KCTD12: variants seen among roughly 807,000 people sequenced by gnomAD.
The protein encoded by KCTD12 is BTB/POZ domain-containing protein KCTD12.
A neutral mutation model predicts 22.6 loss-of-function variants in KCTD12; 16 were observed. The observed-to-expected ratio is 0.71, with a 90% CI of 0.48 to 1.07. The LOEUF is 1.07. Among genes scored for constraint, KCTD12 ranks in the 50% least tolerant of loss-of-function variants. KCTD12 has a pLI of 0.00. For synonymous variants in KCTD12, 260 were observed against 228.0 expected (o/e 1.14, Z -1.26); for missense variants, 452 against 469.2 (o/e 0.96, Z 0.34).
rs1029955086 is a variant in KCTD12 at position 76,881,626 on chromosome 13, G to A, written c.*3545C>T. The A allele has an allele frequency of 5.1e-4, 77 of 151,150 alleles. No homozygotes were observed. Among genetic ancestry groups the A allele is most frequent in the Non-Finnish European group, 7.4e-5 (5 of 67,846 alleles). The allele number at this position is 151,150 out of a possible 1,614,324, so 9.4% of individuals were successfully genotyped here. On this transcript the variant is annotated 3_prime_UTR_variant, in exon 1 of 1. Transcript: ENST00000377474. Reference sequence around the variant, plus strand: ...CTGGTTTGAAAGAGAAGACAATTTTGTCTAGTATTATGATTTATCACTGTG... The same window carrying A: ...CTGGTTTGAAAGAGAAGACAATTTTATCTAGTATTATGATTTATCACTGTG...
In KCTD12 at chr13:76,882,805, C is replaced by T. The variant is rs1593865215; in HGVS notation, c.*2366G>A. 6.6e-6 allele frequency: 1 copy of T among 152,058 alleles called. No homozygotes were observed. The highest frequency in any genetic ancestry group is 1.9e-4 in the East Asian group (1 of 5,200). The allele number at this position is 152,058 out of a possible 1,614,324, so 9.4% of individuals were successfully genotyped here. A position where few individuals can be genotyped will look rare whatever the true frequency, so the allele number is the denominator to read the frequency against. On this transcript the variant is annotated 3_prime_UTR_variant, in exon 1 of 1. Coordinates refer to ENST00000377474, the MANE Select transcript of KCTD12 (RefSeq NM_138444.4). ...TCCTAGATTTCTGCTTCCATTTCGC[C>T]TAAAATTACAGGCTTTGTATATGAA...
rs947413805 is a variant in KCTD12 at position 76,886,321 on chromosome 13, G to C, written c.-173C>G. On this transcript the variant is annotated 5_prime_UTR_variant, in exon 1 of 1. Coordinates refer to ENST00000377474, the MANE Select transcript of KCTD12 (RefSeq NM_138444.4). The stretch of plus-strand genomic sequence containing the variant: ...CGCCGCCACCTCCTAGAGCCGCGCG[G>C]AGCCGAGCGGTGCGAGCGCGCCGCT... 4 of 699,832 alleles carry C rather than the reference G, an allele frequency of 5.7e-6. No homozygotes were observed. The highest frequency in any genetic ancestry group is 7.8e-6 in the Non-Finnish European group (4 of 512,976). 43.4% of individuals were successfully genotyped at this position (699,832 alleles called of 1,614,324 possible).
chr13:76,880,673 G>A lies in KCTD12; in HGVS notation c.*4498C>T, dbSNP rs964999832. ...CCTTTGTCACTAAATGGTTACTAACGCTGTTTGAGTGGTCATAAATGAATT... is the reference window on the plus strand; with the variant it reads ...CCTTTGTCACTAAATGGTTACTAACACTGTTTGAGTGGTCATAAATGAATT... On this transcript the variant is annotated 3_prime_UTR_variant, in exon 1 of 1. Coordinates refer to ENST00000377474, the MANE Select transcript of KCTD12 (RefSeq NM_138444.4). The A allele has an allele frequency of 2.2e-4, 34 of 152,434 alleles. No homozygotes were observed. Among genetic ancestry groups the A allele is most frequent in the East Asian group, 5.8e-4 (3 of 5,196 alleles). The allele number at this position is 152,434 out of a possible 1,614,324, so 9.4% of individuals were successfully genotyped here. A position where few individuals can be genotyped will look rare whatever the true frequency, so the allele number is the denominator to read the frequency against.
In KCTD12 at chr13:76,883,719, G is replaced by A. The variant is rs1442460018; in HGVS notation, c.*1452C>T. The A allele has an allele frequency of 6.6e-6, 1 of 152,638 alleles. No individual in the cohort carries two copies. The highest frequency in any genetic ancestry group is 1.5e-5 in the Non-Finnish European group (1 of 68,036). The allele number at this position is 152,638 out of a possible 1,614,324, so 9.5% of individuals were successfully genotyped here. ...CCACTTAACTTCAAACAAACTGCATGAAAGTGGCATTTTCAGGTTTTCAGG... is the reference window on the plus strand; with the variant it reads ...CCACTTAACTTCAAACAAACTGCATAAAAGTGGCATTTTCAGGTTTTCAGG... On this transcript the variant is annotated 3_prime_UTR_variant, in exon 1 of 1. Coordinates refer to ENST00000377474, the MANE Select transcript of KCTD12 (RefSeq NM_138444.4).
At position 76,882,322 on chromosome 13, in the gene KCTD12, A is replaced by G. The variant is rs373959260; in HGVS notation, c.*2849T>C. ...GACAGTCGTCCCTGGAAAAAGAAGTAGATTTACTGTCCCTAACCATTAAAT... is the reference window on the plus strand; with the variant it reads ...GACAGTCGTCCCTGGAAAAAGAAGTGGATTTACTGTCCCTAACCATTAAAT... On this transcript the variant is annotated 3_prime_UTR_variant, in exon 1 of 1. Coordinates refer to ENST00000377474, the MANE Select transcript of KCTD12 (RefSeq NM_138444.4). 1.3e-5 allele frequency: 2 copies of G among 149,344 alleles called. No homozygotes were observed. The highest frequency in any genetic ancestry group is 3.9e-4 in the East Asian group (2 of 5,184). The allele number at this position is 149,344 out of a possible 1,614,324, so 9.3% of individuals were successfully genotyped here.
chr13:76,881,628 C>A lies in KCTD12; in HGVS notation c.*3543G>T, dbSNP rs2033203735. 6.6e-6 allele frequency: 1 copy of A among 150,742 alleles called. No individual in the cohort carries two copies. The highest frequency in any genetic ancestry group is 1.5e-5 in the Non-Finnish European group (1 of 67,778). The allele number at this position is 150,742 out of a possible 1,614,324, so 9.3% of individuals were successfully genotyped here. On this transcript the variant is annotated 3_prime_UTR_variant, in exon 1 of 1. Transcript: ENST00000377474. ...GGTTTGAAAGAGAAGACAATTTTGTCTAGTATTATGATTTATCACTGTGCT... is the reference window on the plus strand; with the variant it reads ...GGTTTGAAAGAGAAGACAATTTTGTATAGTATTATGATTTATCACTGTGCT...
rs921020158 is a variant in KCTD12 at position 76,882,289 on chromosome 13, T to C, written c.*2882A>G. ...CAGTTTTCTTGTATTGACTTTAACT[T>C]TAGAGGGGACAGTCGTCCCTGGAAA... On this transcript the variant is annotated 3_prime_UTR_variant, in exon 1 of 1. Transcript: ENST00000377474. The C allele has an allele frequency of 1.3e-5, 2 of 152,162 alleles. No homozygotes were observed. Among genetic ancestry groups the C allele is most frequent in the Non-Finnish European group, 2.9e-5 (2 of 68,022 alleles). The allele number at this position is 152,162 out of a possible 1,614,324, so 9.4% of individuals were successfully genotyped here. A position where few individuals can be genotyped will look rare whatever the true frequency, so the allele number is the denominator to read the frequency against.
Position 76,884,221 on chromosome 13 carries a change from T to C in KCTD12, c.*950A>G, listed in dbSNP as rs995116814. On this transcript the variant is annotated 3_prime_UTR_variant, in exon 1 of 1. Coordinates refer to ENST00000377474, the MANE Select transcript of KCTD12 (RefSeq NM_138444.4). ...TAAAGGAAGGTCCTACTGACATTCA[T>C]TGAAAGAATACAGGCTTTCCTAATA... 1.5e-5 allele frequency: 2 copies of C among 130,150 alleles called. No homozygotes were observed. The highest frequency in any genetic ancestry group is 3.2e-5 in the Non-Finnish European group (2 of 63,212). The allele number at this position is 130,150 out of a possible 1,614,324, so 8.1% of individuals were successfully genotyped here.
chr13:76,882,850 A>C lies in KCTD12; in HGVS notation c.*2321T>G, dbSNP rs887717371. On this transcript the variant is annotated 3_prime_UTR_variant, in exon 1 of 1. Transcript: ENST00000377474. The stretch of plus-strand genomic sequence containing the variant: ...TATGAAGTCAATTTTACTTCTCAAA[A>C]AATGTTAGTCTAATAAAAGACCTGA... 2 of 152,222 alleles carry C rather than the reference A, an allele frequency of 1.3e-5. No homozygotes were observed. Among genetic ancestry groups the C allele is most frequent in the African/African-American group, 4.8e-5 (2 of 41,442 alleles). 9.4% of individuals were successfully genotyped at this position (152,222 alleles called of 1,614,324 possible). A position where few individuals can be genotyped will look rare whatever the true frequency, so the allele number is the denominator to read the frequency against.
rs1028094575 is a variant in KCTD12, at chr13:76,881,348, A to G, written c.*3823T>C. On this transcript the variant is annotated 3_prime_UTR_variant, in exon 1 of 1. Coordinates refer to ENST00000377474, the MANE Select transcript of KCTD12 (RefSeq NM_138444.4). ...TACTTTTTCTTAATGTCTGCATTGT[A>G]ATTTAGCATTTTGCATGTGGGAGTA... is the stretch of plus-strand genomic sequence containing the variant. 3.3e-5 allele frequency: 5 copies of G among 152,618 alleles called. No individual in the cohort carries two copies. Among genetic ancestry groups the G allele is most frequent in the African/African-American group, 4.8e-5 (2 of 41,450 alleles). The allele number at this position is 152,618 out of a possible 1,614,324, so 9.5% of individuals were successfully genotyped here. A position where few individuals can be genotyped will look rare whatever the true frequency, so the allele number is the denominator to read the frequency against.
In KCTD12 at chr13:76,885,990, C is replaced by G. The variant is rs929125681; in HGVS notation, c.159G>C (p.Val53=). Residue 53 remains valine (V), a synonymous_variant, in exon 1 of 1, where the codon GTG becomes GTC. Coordinates refer to ENST00000377474, the MANE Select transcript of KCTD12 (RefSeq NM_138444.4). The surrounding 1 kb of genome is among the most constrained non-coding windows in gnomAD (Gnocchi z 5.1). Reference sequence around the variant, plus strand: ...GCCAGAGCAGCGAGTCGGGCACCGACACCACCGTGCAGCGCCGGGTCACGT... The same window carrying G: ...GCCAGAGCAGCGAGTCGGGCACCGAGACCACCGTGCAGCGCCGGGTCACGT... ...QVYVTRRCTV[V]SVPDSLLWRM... The G allele has an allele frequency of 3.8e-6, 6 of 1,590,276 alleles. No homozygotes were observed. The African/African-American group carries it at 8.1e-5, about 21-fold the overall frequency.
rs991356908 is a variant in KCTD12 at position 76,881,867 on chromosome 13, A to G, written c.*3304T>C. On this transcript the variant is annotated 3_prime_UTR_variant, in exon 1 of 1. Coordinates refer to ENST00000377474, the MANE Select transcript of KCTD12 (RefSeq NM_138444.4). ...TTTTTTTTTTTAACCACCATTGTCT[A>G]CACCTTTTTAAAAATTAAGTTTGTT... The G allele has an allele frequency of 3.3e-5, 5 of 150,478 alleles. No homozygotes were observed. The highest frequency in any genetic ancestry group is 1.3e-4 in the Admixed American group (2 of 15,154). 9.3% of individuals were successfully genotyped at this position (150,478 alleles called of 1,614,324 possible). A position where few individuals can be genotyped will look rare whatever the true frequency, so the allele number is the denominator to read the frequency against.
rs1376525985 is a variant in KCTD12, at chr13:76,881,432, CAA to C, written c.*3737_*3738del. ...CCTAACTTGAAGAGTAAAAAGTTAT[CAA>C]AGTTTCACCTTACATGGCTTTATTG... On this transcript the variant is annotated 3_prime_UTR_variant, in exon 1 of 1. Coordinates refer to ENST00000377474, the MANE Select transcript of KCTD12 (RefSeq NM_138444.4). The C allele has an allele frequency of 6.6e-6, 1 of 152,510 alleles. No individual in the cohort carries two copies. Among genetic ancestry groups the C allele is most frequent in the Non-Finnish European group, 1.5e-5 (1 of 67,986 alleles). The allele number at this position is 152,510 out of a possible 1,614,324, so 9.4% of individuals were successfully genotyped here.
In KCTD12 at chr13:76,882,010, A is replaced by G. The variant is rs2033209755; in HGVS notation, c.*3161T>C. ...GCAGTGTTAATTATCTGAATAATTT[A>G]TGACATTCTCCCAGGTTATTTGAAT... is the stretch of plus-strand genomic sequence containing the variant. On this transcript the variant is annotated 3_prime_UTR_variant, in exon 1 of 1. Coordinates refer to ENST00000377474, the MANE Select transcript of KCTD12 (RefSeq NM_138444.4). The G allele has an allele frequency of 6.6e-6, 1 of 152,226 alleles. No individual in the cohort carries two copies. Among genetic ancestry groups the G allele is most frequent in the South Asian group, 2.1e-4 (1 of 4,836 alleles). 9.4% of individuals were successfully genotyped at this position (152,226 alleles called of 1,614,324 possible). A position where few individuals can be genotyped will look rare whatever the true frequency, so the allele number is the denominator to read the frequency against.
rs2033199725 is a variant in KCTD12, at chr13:76,881,307, C to T, written c.*3864G>A. On this transcript the variant is annotated 3_prime_UTR_variant, in exon 1 of 1. Coordinates refer to ENST00000377474, the MANE Select transcript of KCTD12 (RefSeq NM_138444.4). ...CTATAAAATAAATTCTCAAGGAATT[C>T]AACCCCTCCAGTCAATACTTTTTCT... is the stretch of plus-strand genomic sequence containing the variant. The T allele has an allele frequency of 2.0e-5, 3 of 151,922 alleles. No homozygotes were observed. The highest frequency in any genetic ancestry group is 7.2e-5 in the African/African-American group (3 of 41,406). The allele number at this position is 151,922 out of a possible 1,614,324, so 9.4% of individuals were successfully genotyped here.
rs1331932377 is a variant in KCTD12 at position 76,883,648 on chromosome 13, C to G, written c.*1523G>C. On this transcript the variant is annotated 3_prime_UTR_variant, in exon 1 of 1. Transcript: ENST00000377474. ...CATTTTACAGCTATCTACAGATAGG[C>G]AGCCCTTGGTGCTGAGTTCTCTGCA... is the stretch of plus-strand genomic sequence containing the variant. 6.6e-6 allele frequency: 1 copy of G among 152,630 alleles called. No individual in the cohort carries two copies. The highest frequency in any genetic ancestry group is 1.5e-5 in the Non-Finnish European group (1 of 68,040). The allele number at this position is 152,630 out of a possible 1,614,324, so 9.5% of individuals were successfully genotyped here. A position where few individuals can be genotyped will look rare whatever the true frequency, so the allele number is the denominator to read the frequency against.
In KCTD12 at chr13:76,885,131, G is replaced by A. The variant is rs765115106; in HGVS notation, c.*40C>T. On this transcript the variant is annotated 3_prime_UTR_variant, in exon 1 of 1. Transcript: ENST00000377474. The surrounding 1 kb of genome is among the most constrained non-coding windows in gnomAD (Gnocchi z 5.1). ...CTCTGTAATCATCTCTCGGGCAGGA[G>A]AAGGACTGGGCGCTGGAGTGGCGAG... The A allele has an allele frequency of 1.3e-6, 2 of 1,587,918 alleles. No homozygotes were observed. The highest frequency in any genetic ancestry group is 3.4e-5 in the Admixed American group (2 of 58,378).
chr13:76,885,646 T>A lies in KCTD12; in HGVS notation c.503A>T (p.Glu168Val). Residue 168 changes from glutamate (E) to valine (V), a missense_variant, in exon 1 of 1, where the codon GAG (glutamate) becomes GTG (valine). Transcript: ENST00000377474. The surrounding 1 kb of genome is among the most constrained non-coding windows in gnomAD (Gnocchi z 5.1). ...CGACGGCGCCCCGGCAGAGGCGCCCTCCTGCTGTTCGGGCTCCGAGTAGCC... is the reference window on the plus strand; with the variant it reads ...CGACGGCGCCCCGGCAGAGGCGCCCACCTGCTGTTCGGGCTCCGAGTAGCC... ...PLGYSEPEQQ[E>V]GASAGAPSPT... 1 of 1,493,424 alleles carries A rather than the reference T, an allele frequency of 6.7e-7. No individual in the cohort carries two copies. Among genetic ancestry groups the A allele is most frequent in the Non-Finnish European group, 8.8e-7 (1 of 1,133,424 alleles). The allele number at this position is 1,493,424 out of a possible 1,614,324, so 92.5% of individuals were successfully genotyped here.
Position 76,880,246 on chromosome 13 carries a change from T to A in KCTD12, c.*4925A>T, listed in dbSNP as rs918844887. On this transcript the variant is annotated 3_prime_UTR_variant, in exon 1 of 1. Coordinates refer to ENST00000377474, the MANE Select transcript of KCTD12 (RefSeq NM_138444.4). ...ACAAGTCACATAATCAATGATTCAT[T>A]ACTTCACACACAGGAAGGAAAACAG... 1.3e-5 allele frequency: 2 copies of A among 152,692 alleles called. No individual in the cohort carries two copies. Among genetic ancestry groups the A allele is most frequent in the African/African-American group, 4.8e-5 (2 of 41,468 alleles). 9.5% of individuals were successfully genotyped at this position (152,692 alleles called of 1,614,324 possible).
Sources: allele counts gnomAD v4.1 joint callset, GRCh38; gene constraint gnomAD v4.1.1; non-coding constraint Gnocchi (gnomAD v3.1); transcripts MANE v1.5; gene names NCBI Gene and HGNC (gene_info 2026-07-23, HGNC 2026-07-21).